Variants in PHKB observed in about 807,000 individuals in gnomAD.
The protein encoded by PHKB is phosphorylase kinase regulatory subunit beta.
A neutral mutation model predicts 152.1 loss-of-function variants in PHKB; 122 were observed. The ratio of observed to expected loss-of-function variants is 0.80; its 90% CI spans 0.69 to 0.93. The LOEUF (loss-of-function observed/expected upper bound fraction) is 0.93. Among genes scored for constraint, PHKB ranks in the 40% least tolerant of loss-of-function variants. PHKB has a pLI of 0.00. For missense variants in PHKB, 1,304 were observed against 1,328.4 expected, an observed-to-expected ratio of 0.98 and a Z score of 0.29; for synonymous variants, 436 against 464.9, an observed-to-expected ratio of 0.94 and a Z score of 0.80.
chr16:47,527,693 A>G (rs1184583920), intron 6 of PHKB, among the ~76,000 whole-genome samples: 1 of 152,192 alleles, frequency 6.6e-6, no homozygotes, highest in Non-Finnish European at 1.5e-5. Flanking sequence ...GACTATTTGG[A>G]GATATAAACA....
chr16:47,683,733 C>G (rs1364808100), intron 26 of PHKB, among the ~76,000 whole-genome samples: 1 of 152,194 alleles, frequency 6.6e-6, no homozygotes, highest in Non-Finnish European at 1.5e-5. Flanking sequence ...ATGCCTCGCC[C>G]TGCTTCGGCT....
intron 13 of PHKB, chr16:47,598,536 A>C: frequency 1.6e-6 from 1 of 644,528 alleles, no homozygotes; most frequent in Middle Eastern, 4.3e-4. Flanking sequence ...ACTCTCCTAC[A>C]TATTTTCTAT....
intron 25 of PHKB, among the ~76,000 whole-genome samples, chr16:47,668,451 A>G (rs536906652): frequency 1.4e-4 from 22 of 152,274 alleles, no homozygotes; most frequent in African/African-American, 4.6e-4. Flanking sequence ...GTACATGAAA[A>G]AGAGATGGAA....
intron 7 of PHKB, among the ~76,000 whole-genome samples, chr16:47,550,202 G>A (rs1012568752): frequency 6.6e-6 from 1 of 152,152 alleles, no homozygotes; most frequent in Non-Finnish European, 1.5e-5. Flanking sequence ...ATGTGCTCAC[G>A]GAGGTAGTGA....
intron 13 of PHKB, among the ~76,000 whole-genome samples, chr16:47,597,264 T>C (rs1972136353): frequency 6.6e-6 from 1 of 152,204 alleles, no homozygotes; most frequent in African/African-American, 2.4e-5. Context: ...GCCTACTGTA[T>C]AAAATACTGT....
chr16:47,481,095 G>T (rs565730826), intron 1 of PHKB, among the ~76,000 whole-genome samples: 1 of 152,048 alleles, frequency 6.6e-6, no homozygotes, highest in South Asian at 2.1e-4. Flanking sequence ...CCCAAGGGTC[G>T]TGAGTTTGCT....
At chr16:47,556,122 G>C (rs12920889) in intron 7 of PHKB, among the ~76,000 whole-genome samples, 1 of 152,266 alleles carries the variant, frequency 6.6e-6, no homozygotes, top group Non-Finnish European at 1.5e-5. Context: ...CATTGATTTT[G>C]TATCCTGAGA....
intron 20 of PHKB, among the ~76,000 whole-genome samples, chr16:47,657,824 A>G (rs578068219): frequency 6.6e-6 from 1 of 152,276 alleles, no homozygotes; most frequent in Non-Finnish European, 1.5e-5. Context: ...TCTTTCTCTC[A>G]TACCCTGTGT....
intron 7 of PHKB, among the ~76,000 whole-genome samples, chr16:47,551,957 C>T (rs949714366): frequency 1.3e-5 from 2 of 152,158 alleles, no homozygotes; most frequent in African/African-American, 4.8e-5. Context: ...GATCACTTTA[C>T]CATTATGTAA....
intron 20 of PHKB, among the ~76,000 whole-genome samples, chr16:47,658,556 A>G (rs1487529972): frequency 6.6e-6 from 1 of 152,154 alleles, no homozygotes; most frequent in African/African-American, 2.4e-5. Flanking sequence ...GAGGTCTCAT[A>G]AGATTTTAAT....
chr16:47,506,314 A>C (rs1970418830), intron 4 of PHKB, among the ~76,000 whole-genome samples: 1 of 152,220 alleles, frequency 6.6e-6, no homozygotes, highest in Non-Finnish European at 1.5e-5. Context: ...TGGCAACAAG[A>C]AAATGTTATA....
intron 12 of PHKB, among the ~76,000 whole-genome samples, chr16:47,596,086 G>C (rs1031695132): frequency 6.6e-6 from 1 of 152,218 alleles, no homozygotes; most frequent in East Asian, 1.9e-4. Flanking sequence ...TGAATCATGG[G>C]GGGCGGTTTC....
intron 1 of PHKB, among the ~76,000 whole-genome samples, chr16:47,491,155 C>T (rs557937440): frequency 6.6e-6 from 1 of 152,162 alleles, no homozygotes; most frequent in African/African-American, 2.4e-5. Flanking sequence ...GTGCCAGATA[C>T]AGCCAGCATA....
At position 47,485,958 on chromosome 16, in the gene PHKB, A is replaced by C. The variant is rs567290704; in HGVS notation, c.77-11441A>C. Among the ~76,000 whole-genome samples, 489 of 152,040 alleles carry C rather than the reference A, an allele frequency of 3.2e-3. 3 individuals carry two copies. Among genetic ancestry groups the C allele is most frequent in the African/African-American group, 0.011 (461 of 41,494 alleles). On this transcript the variant is annotated intron_variant, in intron 1 of 30. Transcript: ENST00000323584. The stretch of plus-strand genomic sequence containing the variant: ...CTGTTGAAAGTCAGTGGTTGACAAA[A>C]GATTAAAAAAAAAAAAGTAGTAAAA...
chr16:47,547,643 A>T, intron 7 of PHKB, 95 bp downstream of exon 7: 1 of 769,274 alleles, frequency 1.3e-6, no homozygotes, highest in Non-Finnish European at 2.2e-6. Context: ...ACTGTGATTC[A>T]TATGTTAATT....
chr16:47,640,913 G>C (rs1973007266), intron 14 of PHKB, 122 bp from the exon 15 acceptor site: 1 of 887,446 alleles, frequency 1.1e-6, no homozygotes, highest in Admixed American at 1.8e-5. Flanking sequence ...CTGAGAGCCA[G>C]CTGGTGTCCA....
intron 7 of PHKB, among the ~76,000 whole-genome samples, chr16:47,569,728 C>T (rs1971626395): frequency 1.3e-5 from 2 of 152,162 alleles, no homozygotes; most frequent in Non-Finnish European, 2.9e-5. Flanking sequence ...TTAAGCGATC[C>T]TCCTACCTCA....
chr16:47,483,703 TAGAAG>T (rs1473936138), intron 1 of PHKB, among the ~76,000 whole-genome samples: 2 of 152,146 alleles, frequency 1.3e-5, no homozygotes, highest in Non-Finnish European at 2.9e-5. Flanking sequence ...ACACACTCAA[TAGAAG>T]AGAACAATGA....
chr16:47,694,885 C>T (rs1201175098), intron 28 of PHKB, among the ~76,000 whole-genome samples: 3 of 152,224 alleles, frequency 2.0e-5, no homozygotes, highest in Non-Finnish European at 4.4e-5. Context: ...GGCCACTTAA[C>T]ATGTAGTATC....
Sources: gnomAD v4.1 joint callset for allele counts (sites outside exome capture counted in the v4.1 genomes callset) on GRCh38, gnomAD v4.1.1 for gene constraint, MANE v1.5 for transcripts, NCBI Gene and HGNC (gene_info 2026-07-23, HGNC 2026-07-21) for gene names.